RBFOX1: variants seen among roughly 807,000 people sequenced by gnomAD.
RBFOX1 encodes the protein RNA binding protein fox-1 homolog 1.
Under a neutral mutation model 57.7 loss-of-function variants are expected in RBFOX1, and 8 were observed. The ratio of observed to expected loss-of-function variants is 0.14; its 90% CI spans 0.08 to 0.25. The LOEUF is 0.25. RBFOX1 is among the 10% of genes least tolerant of loss of function. The pLI is 1.00. For synonymous variants in RBFOX1, 326 were observed against 222.4 expected, an observed-to-expected ratio of 1.47 and a Z score of -4.15; for missense variants, 611 against 548.5, an observed-to-expected ratio of 1.11 and a Z score of -1.14.
chr16:6,910,866 G>T (rs547487773), intron 3 of RBFOX1, among the ~76,000 whole-genome samples: 1 of 152,214 alleles, frequency 6.6e-6, no homozygotes, highest in South Asian at 2.1e-4. Context: ...ATTTCATGCT[G>T]GTCTTTATAC....
At chr16:6,776,553 C>T (rs1255762491) in intron 3 of RBFOX1, among the ~76,000 whole-genome samples, 12 of 152,186 alleles carry the variant, frequency 7.9e-5, no homozygotes, top group African/African-American at 4.8e-5. Flanking sequence ...GATCAAGTCT[C>T]ATCCATGGTT....
intron 2 of RBFOX1, among the ~76,000 whole-genome samples, chr16:6,562,531 A>G (rs970054853): frequency 1.3e-5 from 2 of 152,210 alleles, no homozygotes; most frequent in African/African-American, 4.8e-5. Flanking sequence ...CCAAGTATTT[A>G]GTTTGGAAGT....
At chr16:7,282,764 A>C (rs999550156) in intron 4 of RBFOX1, among the ~76,000 whole-genome samples, 2 of 152,074 alleles carry the variant, frequency 1.3e-5, no homozygotes, top group Admixed American at 1.3e-4. Flanking sequence ...CCCAAAGTCC[A>C]CTGTGTCATT....
At chr16:6,147,106 A>C (rs1028486270) in intron 1 of RBFOX1, among the ~76,000 whole-genome samples, 2 of 152,146 alleles carry the variant, frequency 1.3e-5, no homozygotes, top group Admixed American at 6.5e-5. Flanking sequence ...CAGAATTTGC[A>C]TGGATAGAGA....
chr16:6,671,023 T>C (rs553057527), intron 3 of RBFOX1, among the ~76,000 whole-genome samples: 1 of 152,276 alleles, frequency 6.6e-6, no homozygotes, highest in South Asian at 2.1e-4. Context: ...ACTGGTTTCC[T>C]TATTTACTTG....
intron 4 of RBFOX1, among the ~76,000 whole-genome samples, chr16:7,351,894 C>T (rs2097136353): frequency 1.3e-5 from 2 of 152,130 alleles, no homozygotes; most frequent in South Asian, 2.1e-4. Context: ...TGATCTGCTG[C>T]CAAGGAGTTT....
At position 6,596,988 on chromosome 16, in the gene RBFOX1, C is replaced by G. The variant is rs141503939; in HGVS notation, c.-63-57615C>G. 1.3e-4 allele frequency among the ~76,000 whole-genome samples: 20 copies of G among 152,256 alleles called. 1 individual carries two copies. The South Asian group carries it at 4.1e-3, about 32-fold the overall frequency. ...ACAGCTTTCTGAATGAATGAGCTCT[C>G]GAGAGGGGAACTTACTGGAAAGCTT... On this transcript the variant is annotated intron_variant, in intron 2 of 15. Coordinates refer to ENST00000550418, the MANE Select transcript of RBFOX1 (RefSeq NM_018723.4).
intron 4 of RBFOX1, among the ~76,000 whole-genome samples, chr16:7,110,111 A>C (rs1202847777): frequency 6.7e-6 from 1 of 149,620 alleles, no homozygotes; most frequent in Non-Finnish European, 1.5e-5. Flanking sequence ...GCACATTGGG[A>C]GGCTTTGGAA....
chr16:7,383,359 G>C (rs1038568168), intron 4 of RBFOX1, among the ~76,000 whole-genome samples: 2 of 151,790 alleles, frequency 1.3e-5, no homozygotes, highest in African/African-American at 2.4e-5. Context: ...CCCCAGTGGA[G>C]GCAAAAACAA....
At chr16:7,547,168 C>A (rs1275209569) in intron 5 of RBFOX1, among the ~76,000 whole-genome samples, 1 of 152,184 alleles carries the variant, frequency 6.6e-6, no homozygotes, top group Non-Finnish European at 1.5e-5. Flanking sequence ...TGGCTTTCAG[C>A]TTGATAAATA....
chr16:6,340,105 G>A (rs1467762427), intron 2 of RBFOX1, among the ~76,000 whole-genome samples: 1 of 152,184 alleles, frequency 6.6e-6, no homozygotes, highest in African/African-American at 2.4e-5. Context: ...ACAAAGTGCA[G>A]CCTGATTAAT....
intron 4 of RBFOX1, among the ~76,000 whole-genome samples, chr16:7,392,792 C>T (rs1240808976): frequency 6.6e-6 from 1 of 152,100 alleles, no homozygotes; most frequent in Non-Finnish European, 1.5e-5. Flanking sequence ...GGGATGTCCT[C>T]AGTCCGTGGA....
intron 2 of RBFOX1, among the ~76,000 whole-genome samples, chr16:6,544,383 C>T (rs1375849551): frequency 2.0e-5 from 3 of 152,200 alleles, no homozygotes; most frequent in Non-Finnish European, 4.4e-5. Context: ...ATCTGAGGAA[C>T]ACCTGGCAAA....
intron 3 of RBFOX1, among the ~76,000 whole-genome samples, chr16:6,945,354 G>T (rs1034715841): frequency 6.6e-6 from 1 of 152,154 alleles, no homozygotes; most frequent in East Asian, 1.9e-4. Context: ...AATGTTATCA[G>T]TCAAACATGG....
At position 5,982,555 on chromosome 16, in the gene RBFOX1, C is replaced by T. The variant is rs901063214; in HGVS notation, c.351+115220C>T. 2.0e-5 allele frequency among the ~76,000 whole-genome samples: 3 copies of T among 152,128 alleles called. No individual in the cohort carries two copies. In the South Asian group the frequency reaches 6.2e-4, roughly 32 times the overall value. ...CCTCCCAAAGTGCTGGGATTACAGG[C>T]GTGAGCCACTGTGCCCAGCCTGCAC... On this transcript the variant is annotated intron_variant, in intron 4 of 19. Transcript: ENST00000641259.
At chr16:6,806,642 G>A (rs1003323232) in intron 3 of RBFOX1, among the ~76,000 whole-genome samples, 10 of 151,234 alleles carry the variant, frequency 6.6e-5, no homozygotes, top group Admixed American at 2.6e-4. Flanking sequence ...ACCTACACGC[G>A]GTAACAGATT....
intron 3 of RBFOX1, among the ~76,000 whole-genome samples, chr16:5,793,923 C>T (rs542536833): frequency 3.9e-5 from 6 of 152,268 alleles, no homozygotes; most frequent in African/African-American, 1.4e-4. Flanking sequence ...CTTGGGTGAG[C>T]CATTTAAGCT....
intron 3 of RBFOX1, among the ~76,000 whole-genome samples, chr16:6,661,175 A>G (rs2098699098): frequency 2.6e-5 from 4 of 152,190 alleles, no homozygotes; most frequent in Admixed American, 2.6e-4. Flanking sequence ...TTTTTTACTT[A>G]CTATGAGCAA....
At chr16:5,717,837 G>A (rs1392127528) in intron 3 of RBFOX1, among the ~76,000 whole-genome samples, 2 of 152,204 alleles carry the variant, frequency 1.3e-5, no homozygotes, top group African/African-American at 4.8e-5. Context: ...CACTATGTCA[G>A]ATAGATAGGT....
Sources: allele counts gnomAD v4.1 joint callset (sites outside exome capture counted in the v4.1 genomes callset), GRCh38; gene constraint gnomAD v4.1.1; transcripts MANE v1.5; gene names NCBI Gene and HGNC (gene_info 2026-07-23, HGNC 2026-07-21).